The following SHISA9 variants were observed in gnomAD, a reference collection of about 807,000 sequenced individuals.
SHISA9 encodes the protein shisa family member 9.
In SHISA9, 13 loss-of-function variants were observed where a neutral mutation model predicts 38.0. The observed-to-expected ratio is 0.34, with a 90% CI of 0.22 to 0.54. The LOEUF (loss-of-function observed/expected upper bound fraction) is 0.54, where lower values mean the gene tolerates loss of function less well. Ranked by LOEUF, SHISA9 falls within the 20% of genes least tolerant of loss-of-function variation. SHISA9 has a pLI of 0.91. For synonymous variants in SHISA9, 275 were observed against 242.0 expected, an observed-to-expected ratio of 1.14 and a Z score of -1.27; for missense variants, 538 against 575.8, an observed-to-expected ratio of 0.93 and a Z score of 0.67.
At chr16:12,964,384 GT>G (rs34026936) in intron 2 of SHISA9, among the ~76,000 whole-genome samples, 1,809 of 142,866 alleles carry the variant, frequency 0.013, 43 homozygotes, top group African/African-American at 0.043. Context: ...TGGACTTTCT[GT>G]TTTTTTTTTT....
At chr16:13,047,225 T>G (rs1596610418) in intron 2 of SHISA9, among the ~76,000 whole-genome samples, 2 of 152,048 alleles carry the variant, frequency 1.3e-5, no homozygotes, top group South Asian at 4.2e-4. Flanking sequence ...AGAGGTTTAA[T>G]AAATTCTTCT....
At chr16:13,289,302 G>A in the SHISA9 span, among the ~76,000 whole-genome samples, 1 of 150,966 alleles carries the variant, frequency 6.6e-6, no homozygotes, top group Non-Finnish European at 1.5e-5. Context: ...GTTTCTTAAG[G>A]GTGGGCAAGT....
chr16:13,182,621 C>G (rs1346819614), intron 2 of SHISA9, among the ~76,000 whole-genome samples: 1 of 152,194 alleles, frequency 6.6e-6, no homozygotes, highest in East Asian at 1.9e-4. Context: ...TCTAGTGTTT[C>G]AGATATACAA....
chr16:13,465,821 T>G, the SHISA9 span, among the ~76,000 whole-genome samples: 1 of 152,236 alleles, frequency 6.6e-6, no homozygotes, highest in African/African-American at 2.4e-5. Context: ...CTATGGCCAA[T>G]GGGTCAAATG....
intron 2 of SHISA9, among the ~76,000 whole-genome samples, chr16:13,034,333 T>C (rs2073027927): frequency 6.6e-6 from 1 of 152,130 alleles, no homozygotes; most frequent in Admixed American, 6.5e-5. Flanking sequence ...ACCCAATTTC[T>C]CAGCTTCTGT....
chr16:13,464,789 T>C, the SHISA9 span, among the ~76,000 whole-genome samples: 1 of 152,098 alleles, frequency 6.6e-6, no homozygotes, highest in African/African-American at 2.4e-5. Context: ...TTGGTCCTCA[T>C]AAAATTCCCG....
intron 2 of SHISA9, among the ~76,000 whole-genome samples, chr16:13,122,827 G>A (rs376961491): frequency 2.0e-4 from 30 of 152,270 alleles, no homozygotes; most frequent in African/African-American, 6.3e-4. Context: ...CAGGAGGATC[G>A]CCTGAGGTCA....
chr16:13,413,447 T>C, the SHISA9 span, among the ~76,000 whole-genome samples: 2 of 152,056 alleles, frequency 1.3e-5, no homozygotes, highest in Non-Finnish European at 1.5e-5. Context: ...TCTTTGATGC[T>C]GAGATTCTAG....
At chr16:13,491,697 C>T in the SHISA9 span, among the ~76,000 whole-genome samples, 3 of 151,462 alleles carry the variant, frequency 2.0e-5, no homozygotes, top group Non-Finnish European at 4.4e-5. Flanking sequence ...ATCATATTGG[C>T]CAGGCTGGTC....
At chr16:13,162,778 T>A (rs1238660461) in intron 2 of SHISA9, among the ~76,000 whole-genome samples, 1 of 152,122 alleles carries the variant, frequency 6.6e-6, no homozygotes, top group East Asian at 1.9e-4. Context: ...TGAAAAAGAT[T>A]CTAATTGCTA....
At chr16:12,981,040 C>T (rs2072233440) in intron 2 of SHISA9, among the ~76,000 whole-genome samples, 1 of 151,990 alleles carries the variant, frequency 6.6e-6, no homozygotes, top group African/African-American at 2.4e-5. Flanking sequence ...AATCTGTAAC[C>T]CAATGTGTTG....
chr16:13,455,642 A>T, the SHISA9 span, among the ~76,000 whole-genome samples: 1 of 152,338 alleles, frequency 6.6e-6, no homozygotes, highest in East Asian at 1.9e-4. Flanking sequence ...ATGTGTTAAG[A>T]TGCAAAAACA....
At chr16:13,046,790 C>T (rs1266488148) in intron 2 of SHISA9, among the ~76,000 whole-genome samples, 1 of 152,136 alleles carries the variant, frequency 6.6e-6, no homozygotes, top group East Asian at 1.9e-4. Context: ...TCATTCACCT[C>T]CAAGTCTTTG....
At chr16:13,320,499 C>G in the SHISA9 span, among the ~76,000 whole-genome samples, 1 of 151,998 alleles carries the variant, frequency 6.6e-6, no homozygotes, top group African/African-American at 2.4e-5. Flanking sequence ...AGAAGATAAT[C>G]CATGCCATGT....
chr16:13,394,929 GTGT>G, the SHISA9 span, among the ~76,000 whole-genome samples: 1 of 20,162 alleles, frequency 5.0e-5, no homozygotes, highest in African/African-American at 1.3e-4. Context: ...AGTATCTGGG[GTGT>G]GTGTGTGTGT....
the SHISA9 span, among the ~76,000 whole-genome samples, chr16:13,472,724 T>C: frequency 2.0e-5 from 3 of 152,276 alleles, no homozygotes; most frequent in East Asian, 5.8e-4. Context: ...CTTTTCTCTT[T>C]TAATTTCATT....
intron 2 of SHISA9, among the ~76,000 whole-genome samples, chr16:12,985,229 A>C (rs1465620299): frequency 7.2e-6 from 1 of 138,984 alleles, no homozygotes; most frequent in Non-Finnish European, 1.5e-5. Flanking sequence ...CGAAAAATAA[A>C]TAAATAAATA....
chr16:13,333,736 C>G, the SHISA9 span, among the ~76,000 whole-genome samples: 8 of 152,092 alleles, frequency 5.3e-5, no homozygotes, highest in Non-Finnish European at 8.8e-5. Context: ...ATATCTGGAA[C>G]GTAAACTACC....
chr16:13,186,909 C>G (rs2050829962), intron 2 of SHISA9, among the ~76,000 whole-genome samples: 1 of 152,176 alleles, frequency 6.6e-6, no homozygotes, highest in Non-Finnish European at 1.5e-5. Flanking sequence ...GAGCTTCCCT[C>G]CTTTTAAAGC....
Sources: gnomAD v4.1 joint callset for allele counts (sites outside exome capture counted in the v4.1 genomes callset) on GRCh38, gnomAD v4.1.1 for gene constraint, MANE v1.5 for transcripts, NCBI Gene and HGNC (gene_info 2026-07-23, HGNC 2026-07-21) for gene names.